SLA: variants seen among roughly 807,000 people sequenced by gnomAD.
SLA encodes src-like-adapter.
Under a neutral mutation model 30.3 loss-of-function variants are expected in SLA, and 16 were observed. The observed-to-expected ratio is 0.53, with a 90% CI of 0.36 to 0.80. The LOEUF (loss-of-function observed/expected upper bound fraction) is 0.80. SLA is among the 30% of genes least tolerant of loss of function. SLA has a pLI of 0.01. For missense variants in SLA, 310 were observed against 345.2 expected (o/e 0.90, Z 0.81); for synonymous variants, 143 against 137.8 (o/e 1.04, Z -0.26).
intron 5 of SLA, chr8:133,049,010 C>A: frequency 2.8e-6 from 1 of 361,404 alleles, no homozygotes; most frequent in South Asian, 2.0e-5. Context: ...ATGTGCTTTG[C>A]ATTTCTTTGC....
intron 1 of SLA, among the ~76,000 whole-genome samples, chr8:133,082,130 C>T (rs867334206): frequency 5.9e-5 from 9 of 152,084 alleles, no homozygotes; most frequent in Non-Finnish European, 1.0e-4. Flanking sequence ...GTAGGGTGTA[C>T]GGTGCTGGTG....
chr8:133,072,588 C>T (rs746570186), intron 2 of SLA, among the ~76,000 whole-genome samples: 3 of 152,224 alleles, frequency 2.0e-5, no homozygotes, highest in Non-Finnish European at 4.4e-5. Flanking sequence ...CAGCCTCTCT[C>T]AGAGCTGGGA....
chr8:133,042,979 C>A (rs905567602), intron 7 of SLA, among the ~76,000 whole-genome samples: 1 of 110,584 alleles, frequency 9.0e-6, no homozygotes, highest in Non-Finnish European at 1.9e-5. Flanking sequence ...CAGGCATGAC[C>A]CACCATGCCT....
intron 6 of SLA, among the ~76,000 whole-genome samples, chr8:133,046,814 T>C (rs1839501676): frequency 6.6e-6 from 1 of 152,200 alleles, no homozygotes; most frequent in Non-Finnish European, 1.5e-5. Flanking sequence ...TTTTTTTAAA[T>C]CATATATATG....
chr8:133,040,379 C>A, intron 7 of SLA: 1 of 460,686 alleles, frequency 2.2e-6, no homozygotes, highest in Middle Eastern at 5.6e-4. Flanking sequence ...GGTTTAAGAT[C>A]CAGTATCAAC....
intron 1 of SLA, among the ~76,000 whole-genome samples, chr8:133,081,106 A>G (rs1159771861): frequency 6.6e-6 from 1 of 152,258 alleles, no homozygotes; most frequent in Non-Finnish European, 1.5e-5. Flanking sequence ...GTCCATACAT[A>G]ATAATGTGTA....
intron 1 of SLA, among the ~76,000 whole-genome samples, chr8:133,093,352 T>G (rs1397628404): frequency 6.7e-6 from 1 of 149,874 alleles, no homozygotes; most frequent in African/African-American, 2.6e-5. Flanking sequence ...GAGTTAGGAT[T>G]CTTCTCTCTC....
chr8:133,039,047 T>A (rs1412252207), intron 8 of SLA, among the ~76,000 whole-genome samples: 3 of 152,208 alleles, frequency 2.0e-5, no homozygotes, highest in African/African-American at 7.2e-5. Flanking sequence ...CCAGCTAATT[T>A]TTTGTATTTT....
At chr8:133,074,494 T>C (rs1389501956) in intron 2 of SLA, among the ~76,000 whole-genome samples, 2 of 152,200 alleles carry the variant, frequency 1.3e-5, no homozygotes, top group Admixed American at 6.5e-5. Flanking sequence ...AATGAAGGTC[T>C]GGAGAGGTTT....
chr8:133,100,019 C>A (rs1337269754), intron 1 of SLA, among the ~76,000 whole-genome samples: 3 of 152,222 alleles, frequency 2.0e-5, no homozygotes, highest in Admixed American at 1.3e-4. Context: ...TCCTCTCATG[C>A]AGAGGAAAAT....
intron 1 of SLA, among the ~76,000 whole-genome samples, chr8:133,079,600 G>A (rs2131515903): frequency 6.6e-6 from 1 of 152,318 alleles, no homozygotes; most frequent in East Asian, 1.9e-4. Flanking sequence ...TGCGGCAGAT[G>A]TGATGTTGCA....
chr8:133,060,343 T>C (rs1842194761), intron 2 of SLA, 143 bp from the exon 3 acceptor site: 2 of 1,545,478 alleles, frequency 1.3e-6, no homozygotes, highest in Non-Finnish European at 1.7e-6. Context: ...GAAGATGAGA[T>C]TGGTGAAGAT....
chr8:133,075,578 G>A (rs73346753), intron 1 of SLA, among the ~76,000 whole-genome samples: 3,679 of 152,288 alleles, frequency 0.024, 152 homozygotes, highest in African/African-American at 0.084. Flanking sequence ...GCGGGAGAAC[G>A]TCTAGTTCTT....
intron 2 of SLA, among the ~76,000 whole-genome samples, chr8:133,073,714 TAAAGTCAAGG>T (rs1049048654): frequency 3.9e-5 from 6 of 152,114 alleles, no homozygotes; most frequent in African/African-American, 1.4e-4. Flanking sequence ...CATTTTTTCC[TAAAGTCAAGG>T]GCACCACTTT....
chr8:133,076,791 G>A (rs991164963), intron 1 of SLA: 4 of 144,684 alleles, frequency 2.8e-5, no homozygotes, highest in Non-Finnish European at 6.0e-5. Flanking sequence ...AACTGCAAAA[G>A]CCCTGCCCTT....
In SLA at chr8:133,037,357, C is replaced by T. The variant is rs1683801634; in HGVS notation, c.*1167G>A. On this transcript the variant is annotated 3_prime_UTR_variant, in exon 9 of 9. Coordinates refer to ENST00000338087, the MANE Select transcript of SLA (RefSeq NM_001045556.3). ...TCTTTCCTGGAGCTGAGCATTTTTC[C>T]TCATATGGATGCCAGACCCTTCTTA... 1 of 152,158 alleles carries T rather than the reference C, an allele frequency of 6.6e-6. No individual in the cohort carries two copies. Among genetic ancestry groups the T allele is most frequent in the Admixed American group, 6.5e-5 (1 of 15,282 alleles). 9.4% of individuals were successfully genotyped at this position (152,158 alleles called of 1,614,324 possible).
rs528625219 is a variant in SLA at position 133,095,070 on chromosome 8, C to T, written c.-319+7483G>A. The T allele has an allele frequency of 8.1e-5, 131 of 1,613,986 alleles. 1 individual carries two copies. Among genetic ancestry groups the T allele is most frequent in the South Asian group, 5.4e-4 (49 of 91,070 alleles). Reference sequence around the variant, plus strand: ...GAGGCTCCGCACTCTCCCCGGCCGCCGTCATCAGCCATGAGAGGGCTCAGC... The same window carrying T: ...GAGGCTCCGCACTCTCCCCGGCCGCTGTCATCAGCCATGAGAGGGCTCAGC... On this transcript the variant is annotated intron_variant, in intron 1 of 8. Coordinates refer to ENST00000338087, the MANE Select transcript of SLA (RefSeq NM_001045556.3).
chr8:133,082,650 C>A (rs1388046284), intron 1 of SLA, among the ~76,000 whole-genome samples: 1 of 152,168 alleles, frequency 6.6e-6, no homozygotes, highest in Non-Finnish European at 1.5e-5. Context: ...ACACTCTGCC[C>A]TGGTATTTTC....
chr8:133,057,090 C>A (rs945496957), intron 3 of SLA, among the ~76,000 whole-genome samples: 20 of 152,070 alleles, frequency 1.3e-4, no homozygotes, highest in Admixed American at 6.5e-5. Context: ...GAGCCCCACC[C>A]GCCCCCTTCT....
Sources: allele counts gnomAD v4.1 joint callset (sites outside exome capture counted in the v4.1 genomes callset), GRCh38; gene constraint gnomAD v4.1.1; transcripts MANE v1.5; gene names NCBI Gene and HGNC (gene_info 2026-07-23, HGNC 2026-07-21).